NEK11: variants seen among roughly 807,000 people sequenced by gnomAD.
The protein encoded by NEK11 is NIMA related kinase 11.
Under a neutral mutation model 80.7 loss-of-function variants are expected in NEK11, and 72 were observed. The ratio of observed to expected loss-of-function variants is 0.89; its 90% confidence interval spans 0.74 to 1.08. The LOEUF is 1.08. Among genes scored for constraint, NEK11 ranks in the 50% least tolerant of loss-of-function variants. The probability of loss-of-function intolerance (pLI) is 0.00; values close to 1 mark genes in which losing one functional copy is unlikely to be tolerated. For missense variants in NEK11, 764 were observed against 763.6 expected (o/e 1.00, Z -0.01); for synonymous variants, 251 against 260.7 (o/e 0.96, Z 0.36).
chr3:131,153,604 A>G (rs531179124), intron 9 of NEK11, among the ~76,000 whole-genome samples: 226 of 152,252 alleles, frequency 1.5e-3, no homozygotes, highest in Middle Eastern at 3.4e-3. Flanking sequence ...CAAAATGGTC[A>G]TCCACTTTAA....
intron 10 of NEK11, among the ~76,000 whole-genome samples, chr3:131,157,887 G>T (rs1176013287): frequency 6.6e-6 from 1 of 152,280 alleles, no homozygotes; most frequent in Non-Finnish European, 1.5e-5. Flanking sequence ...AGTTGGTAGG[G>T]AGAGCTGCTT....
chr3:131,203,039 G>A (rs913321568), intron 14 of NEK11, among the ~76,000 whole-genome samples: 1 of 152,164 alleles, frequency 6.6e-6, no homozygotes, highest in Non-Finnish European at 1.5e-5. Context: ...CAGGGATCTA[G>A]AACTAGAAAT....
chr3:131,196,106 GT>G (rs2093999932), intron 14 of NEK11, among the ~76,000 whole-genome samples: 1 of 151,870 alleles, frequency 6.6e-6, no homozygotes, highest in South Asian at 2.1e-4. Flanking sequence ...AGGTTCTACT[GT>G]GATATAAAAC....
At chr3:131,047,488 C>T (rs1439327941) in intron 3 of NEK11, among the ~76,000 whole-genome samples, 1 of 152,164 alleles carries the variant, frequency 6.6e-6, no homozygotes, top group African/African-American at 2.4e-5. Context: ...TGGTGCTCTC[C>T]CCTTTCCCTT....
At chr3:131,176,778 A>G (rs962530982) in intron 14 of NEK11, among the ~76,000 whole-genome samples, 3 of 152,194 alleles carry the variant, frequency 2.0e-5, no homozygotes, top group Admixed American at 1.3e-4. Context: ...CATGGGGAAA[A>G]CCAGCACCCA....
chr3:131,140,735 A>C (rs1345939936), intron 7 of NEK11, among the ~76,000 whole-genome samples: 3 of 152,110 alleles, frequency 2.0e-5, no homozygotes, highest in Non-Finnish European at 4.4e-5. Context: ...GCAATCTGGC[A>C]CTCTACTTGC....
chr3:131,052,136 T>G (rs2068531864), intron 3 of NEK11, among the ~76,000 whole-genome samples: 4 of 12,570 alleles, frequency 3.2e-4, no homozygotes, highest in Non-Finnish European at 7.0e-4. Context: ...TTTTTTTTGT[T>G]TTTTTTTTTT....
chr3:131,148,505 T>G (rs972386161), intron 7 of NEK11, among the ~76,000 whole-genome samples: 1 of 151,962 alleles, frequency 6.6e-6, no homozygotes, highest in Non-Finnish European at 1.5e-5. Context: ...TATTTTATTT[T>G]TCTGTATTCA....
At chr3:131,055,633 G>A (rs995859467) in intron 3 of NEK11, among the ~76,000 whole-genome samples, 7 of 152,078 alleles carry the variant, frequency 4.6e-5, no homozygotes, top group African/African-American at 1.7e-4. Flanking sequence ...GGGAGGCTGA[G>A]GTGAAAGGAT....
chr3:131,251,323 G>A (rs1393913193), intron 16 of NEK11, among the ~76,000 whole-genome samples: 1 of 151,794 alleles, frequency 6.6e-6, no homozygotes, highest in Non-Finnish European at 1.5e-5. Context: ...AAAGTACTAG[G>A]TACATGAATT....
intron 14 of NEK11, among the ~76,000 whole-genome samples, chr3:131,186,664 A>T (rs1286330093): frequency 3.3e-5 from 5 of 152,168 alleles, no homozygotes; most frequent in Non-Finnish European, 1.5e-5. Context: ...GTACATTATG[A>T]GTGTAAATAT....
chr3:131,132,705 T>C (rs1206494141), intron 5 of NEK11, 40 bp from the exon 6 acceptor site: 6 of 1,073,256 alleles, frequency 5.6e-6, no homozygotes, highest in Non-Finnish European at 6.9e-6. Flanking sequence ...AAAAATGTTA[T>C]ATTCTGCATG....
intron 17 of NEK11, among the ~76,000 whole-genome samples, chr3:131,275,786 T>G (rs1032387625): frequency 6.6e-6 from 1 of 152,210 alleles, no homozygotes; most frequent in African/African-American, 2.4e-5. Context: ...ATGCTCAGCA[T>G]ATGGATGGCA....
chr3:131,093,256 A>G lies in NEK11; in HGVS notation c.336+12668A>G, dbSNP rs146222730. Reference sequence around the variant, plus strand: ...TACTTCTTACCAATAAGAAGGGATTAGGGTTATAAAGTTGTCTACAAACTG... The same window carrying G: ...TACTTCTTACCAATAAGAAGGGATTGGGGTTATAAAGTTGTCTACAAACTG... On this transcript the variant is annotated intron_variant, in intron 4 of 17. Coordinates refer to ENST00000383366, the MANE Select transcript of NEK11 (RefSeq NM_024800.5). Among the ~76,000 whole-genome samples, 361 of 152,362 alleles carry G rather than the reference A, an allele frequency of 2.4e-3. 1 individual carries two copies. The highest frequency in any genetic ancestry group is 8.2e-3 in the African/African-American group (340 of 41,584).
At chr3:131,123,384 C>T (rs1578659069) in intron 5 of NEK11, among the ~76,000 whole-genome samples, 1 of 152,294 alleles carries the variant, frequency 6.6e-6, no homozygotes, top group East Asian at 1.9e-4. Context: ...CCAGGCTGGT[C>T]TCGAACTCCT....
intron 17 of NEK11, among the ~76,000 whole-genome samples, chr3:131,307,053 T>G (rs1044611451): frequency 2.0e-5 from 3 of 152,114 alleles, no homozygotes; most frequent in African/African-American, 7.2e-5. Context: ...GAGTTGTTGA[T>G]TTTTTTAAAA....
At chr3:131,302,007 C>A (rs904021864) in intron 17 of NEK11, among the ~76,000 whole-genome samples, 1 of 151,956 alleles carries the variant, frequency 6.6e-6, no homozygotes, top group African/African-American at 2.4e-5. Context: ...TGTTGGTAGG[C>A]TTTTTATCAC....
chr3:131,335,983 GGAA>G (rs1207446261), intron 17 of NEK11, among the ~76,000 whole-genome samples: 2 of 152,166 alleles, frequency 1.3e-5, no homozygotes, highest in African/African-American at 2.4e-5. Flanking sequence ...ACAAAGAAAT[GGAA>G]GAACATTCCA....
intron 17 of NEK11, chr3:131,325,544 A>G (rs1012816089): frequency 2.0e-5 from 3 of 152,190 alleles, no homozygotes; most frequent in African/African-American, 7.2e-5. Context: ...ATATGTATTC[A>G]CTGTATTATA....
Sources: gnomAD v4.1 joint callset for allele counts (sites outside exome capture counted in the v4.1 genomes callset) on GRCh38, gnomAD v4.1.1 for gene constraint, MANE v1.5 for transcripts, NCBI Gene and HGNC (gene_info 2026-07-23, HGNC 2026-07-21) for gene names.